SPECC1: variants seen among roughly 807,000 people sequenced by gnomAD.
The protein encoded by SPECC1 is sperm antigen with calponin homology and coiled-coil domains 1.
Under a neutral mutation model 104.1 loss-of-function variants are expected in SPECC1, and 62 were observed. The ratio of observed to expected loss-of-function variants is 0.60; its 90% CI spans 0.49 to 0.74. The LOEUF (loss-of-function observed/expected upper bound fraction) is 0.74. SPECC1 is among the 30% of genes least tolerant of loss of function. The pLI is 0.00. For missense variants in SPECC1, 1,306 were observed against 1,310.5 expected, an observed-to-expected ratio of 1.00 and a Z score of 0.05; for synonymous variants, 513 against 501.6, an observed-to-expected ratio of 1.02 and a Z score of -0.30.
chr17:20,129,951 A>T (rs1366825503), intron 3 of SPECC1, among the ~76,000 whole-genome samples: 1 of 151,332 alleles, frequency 6.6e-6, no homozygotes, highest in South Asian at 2.1e-4. Flanking sequence ...ACTGGGTTTC[A>T]CTATGTTGCT....
chr17:20,269,856 G>A (rs1016185280), intron 12 of SPECC1, among the ~76,000 whole-genome samples: 13 of 152,130 alleles, frequency 8.5e-5, no homozygotes, highest in Admixed American at 6.5e-4. Flanking sequence ...GTGAATAGCC[G>A]TGGCCATGAC....
intron 12 of SPECC1, among the ~76,000 whole-genome samples, chr17:20,275,042 A>C (rs1273117282): frequency 6.6e-6 from 1 of 151,768 alleles, no homozygotes; most frequent in Non-Finnish European, 1.5e-5. Context: ...TTACCGGGGG[A>C]TGTTTTAAGT....
chr17:20,136,870 C>T (rs1050328897), intron 3 of SPECC1, among the ~76,000 whole-genome samples: 6 of 152,142 alleles, frequency 3.9e-5, no homozygotes, highest in African/African-American at 1.2e-4. Context: ...AAGTTATCTC[C>T]GTGTTTGGGG....
intron 1 of SPECC1, among the ~76,000 whole-genome samples, chr17:20,038,330 C>G (rs1238252792): frequency 1.3e-5 from 2 of 148,984 alleles, no homozygotes; most frequent in Non-Finnish European, 3.0e-5. Flanking sequence ...TTTCTCTTTT[C>G]TAATGTAAAC....
chr17:20,103,430 GACATTCATGCCA>G (rs2048036779), intron 2 of SPECC1, among the ~76,000 whole-genome samples: 1 of 152,164 alleles, frequency 6.6e-6, no homozygotes, highest in Non-Finnish European at 1.5e-5. Flanking sequence ...GATTCACTTT[GACATTCATGCCA>G]TATGCACAGC....
intron 1 of SPECC1, among the ~76,000 whole-genome samples, chr17:20,028,982 G>C (rs567717534): frequency 1.3e-5 from 2 of 152,036 alleles, no homozygotes; most frequent in Admixed American, 1.3e-4. Context: ...GGCTGATCTC[G>C]AGCTCCCGAC....
At chr17:20,139,269 C>T (rs947003847) in intron 3 of SPECC1, among the ~76,000 whole-genome samples, 9 of 152,334 alleles carry the variant, frequency 5.9e-5, no homozygotes, top group African/African-American at 2.2e-4. Context: ...AAACCTGCAT[C>T]TCGGATCCCA....
At chr17:20,109,114 T>C (rs539132986) in intron 2 of SPECC1, among the ~76,000 whole-genome samples, 13 of 152,144 alleles carry the variant, frequency 8.5e-5, no homozygotes, top group Non-Finnish European at 1.6e-4. Flanking sequence ...TATGGTGGGG[T>C]GAGGGTGGTT....
chr17:20,296,890 C>T (rs999550099), intron 12 of SPECC1, 71 bp from the exon 13 acceptor site: 1 of 1,386,256 alleles, frequency 7.2e-7, no homozygotes, highest in African/African-American at 1.4e-5. Flanking sequence ...CATCTTATCA[C>T]AATCTTCCTC....
intron 3 of SPECC1, among the ~76,000 whole-genome samples, chr17:20,183,701 G>A (rs1249790340): frequency 6.6e-6 from 1 of 152,092 alleles, no homozygotes; most frequent in East Asian, 1.9e-4. Flanking sequence ...CGTGTCATTT[G>A]TTGTTATACT....
intron 3 of SPECC1, among the ~76,000 whole-genome samples, chr17:20,120,837 A>T (rs183440671): frequency 6.6e-6 from 1 of 152,250 alleles, no homozygotes; most frequent in Admixed American, 6.5e-5. Context: ...GTCCTCAGGG[A>T]GAATCCCTGA....
At chr17:20,171,742 G>T (rs2034109987) in intron 3 of SPECC1, among the ~76,000 whole-genome samples, 1 of 152,048 alleles carries the variant, frequency 6.6e-6, no homozygotes, top group African/African-American at 2.4e-5. Flanking sequence ...TAGAGGTAGG[G>T]TCTTGCTGTA....
At chr17:20,302,101 C>T (rs550227327) in intron 13 of SPECC1, among the ~76,000 whole-genome samples, 35 of 152,364 alleles carry the variant, frequency 2.3e-4, no homozygotes, top group African/African-American at 7.9e-4. Flanking sequence ...AGGTAGTGGA[C>T]TGGACCTTGC....
rs544001436 is a variant in SPECC1, at chr17:20,283,225, A to C, written c.2941-13736A>C. ...AAAAAAGATTAAAGCAATAATATGAACAGGAGCAGAAATGGAAAGGCATTC... is the reference window on the plus strand; with the variant it reads ...AAAAAAGATTAAAGCAATAATATGACCAGGAGCAGAAATGGAAAGGCATTC... On this transcript the variant is annotated intron_variant, in intron 12 of 14. Coordinates refer to ENST00000395527, the MANE Select transcript of SPECC1 (RefSeq NM_001243439.2). Among the ~76,000 whole-genome samples the C allele has an allele frequency of 2.0e-5, 3 of 152,302 alleles. No homozygotes were observed. In the South Asian group the frequency reaches 6.2e-4, roughly 32 times the overall value.
At chr17:20,046,022 A>T (rs1474227777) in intron 1 of SPECC1, among the ~76,000 whole-genome samples, 1 of 152,084 alleles carries the variant, frequency 6.6e-6, no homozygotes, top group Non-Finnish European at 1.5e-5. Context: ...TAAAAAAAAA[A>T]AAAACCATTA....
intron 1 of SPECC1, among the ~76,000 whole-genome samples, chr17:20,091,595 CTG>C (rs2047404028): frequency 3.3e-5 from 5 of 152,228 alleles, no homozygotes; most frequent in Non-Finnish European, 7.4e-5. Flanking sequence ...AGAACTACTA[CTG>C]TAGAAGAGGT....
chr17:20,078,245 G>T (rs891300005), intron 1 of SPECC1, among the ~76,000 whole-genome samples: 3 of 151,270 alleles, frequency 2.0e-5, no homozygotes, highest in Admixed American at 2.0e-4. Flanking sequence ...AAAAAACTTG[G>T]TACATTGAAA....
chr17:20,040,553 T>C (rs547481941), intron 1 of SPECC1, among the ~76,000 whole-genome samples: 4 of 152,342 alleles, frequency 2.6e-5, no homozygotes, highest in African/African-American at 9.6e-5. Context: ...TCTGAGACTG[T>C]CTTGATTTCC....
At chr17:20,253,642 T>C in intron 10 of SPECC1, 56 bp downstream of exon 10, 1 of 1,502,746 alleles carries the variant, frequency 6.7e-7, no homozygotes, top group South Asian at 1.2e-5. Flanking sequence ...AGTTAACTTT[T>C]CTTCATTTCT....
Sources: gnomAD v4.1 joint callset for allele counts (sites outside exome capture counted in the v4.1 genomes callset) on GRCh38, gnomAD v4.1.1 for gene constraint, MANE v1.5 for transcripts, NCBI Gene and HGNC (gene_info 2026-07-23, HGNC 2026-07-21) for gene names.